The following GLDC variants were observed in gnomAD, a reference collection of about 807,000 sequenced individuals.
GLDC encodes glycine decarboxylase, also known as glycine dehydrogenase (decarboxylating), mitochondrial.
A neutral mutation model predicts 121.3 loss-of-function variants in GLDC; 104 were observed. The ratio of observed to expected loss-of-function variants is 0.86; its 90% CI spans 0.73 to 1.01. The LOEUF is 1.01. GLDC is among the 50% of genes least tolerant of loss of function. GLDC has a pLI of 0.00. For missense variants in GLDC, 1,429 were observed against 1,306.6 expected, an observed-to-expected ratio of 1.09 and a Z score of -1.44; for synonymous variants, 546 against 480.6, an observed-to-expected ratio of 1.14 and a Z score of -1.78.
intron 15 of GLDC, among the ~76,000 whole-genome samples, chr9:6,573,777 C>G (rs144578178): frequency 1.3e-5 from 2 of 152,118 alleles, no homozygotes; most frequent in African/African-American, 4.8e-5. Flanking sequence ...CAACCACTGT[C>G]GAAATGACCC....
intron 21 of GLDC, among the ~76,000 whole-genome samples, chr9:6,546,685 G>T (rs1328716994): frequency 6.6e-6 from 1 of 151,922 alleles, no homozygotes; most frequent in Non-Finnish European, 1.5e-5. Flanking sequence ...ATGGGGGCCA[G>T]ACGCAGTGGC....
intron 21 of GLDC, among the ~76,000 whole-genome samples, chr9:6,546,371 T>C (rs1817389437): frequency 1.3e-5 from 2 of 151,246 alleles, no homozygotes; most frequent in Admixed American, 6.6e-5. Flanking sequence ...TTTTCTTTTT[T>C]TTTTTTTTTG....
chr9:6,597,020 C>T (rs79643203), intron 8 of GLDC, among the ~76,000 whole-genome samples: 8,890 of 152,264 alleles, frequency 0.058, 589 homozygotes, highest in African/African-American at 0.16. Flanking sequence ...CATGTCCAAA[C>T]AATGGGATAT....
At chr9:6,607,310 C>T (rs980647920) in intron 4 of GLDC, among the ~76,000 whole-genome samples, 4 of 152,104 alleles carry the variant, frequency 2.6e-5, no homozygotes, top group South Asian at 2.1e-4. Flanking sequence ...TGGACAGGTG[C>T]GGTGGCTCAC....
intron 2 of GLDC, among the ~76,000 whole-genome samples, chr9:6,640,940 C>T (rs1306351051): frequency 2.0e-5 from 3 of 152,184 alleles, no homozygotes; most frequent in East Asian, 3.8e-4. Flanking sequence ...TTGCCAGTGA[C>T]ACATATCCTT....
chr9:6,619,202 C>T (rs965790602), intron 3 of GLDC, among the ~76,000 whole-genome samples: 1 of 134,766 alleles, frequency 7.4e-6, no homozygotes, highest in African/African-American at 2.8e-5. Flanking sequence ...ACTTATCTAA[C>T]TGTTGAGGTA....
chr9:6,643,353 A>G (rs865880855), intron 2 of GLDC, among the ~76,000 whole-genome samples: 1 of 151,444 alleles, frequency 6.6e-6, no homozygotes, highest in Non-Finnish European at 1.5e-5. Flanking sequence ...TGAGCAGCCA[A>G]CCTGAAGCAG....
chr9:6,569,723 C>T (rs1281716122), intron 15 of GLDC, among the ~76,000 whole-genome samples: 3 of 151,938 alleles, frequency 2.0e-5, no homozygotes, highest in African/African-American at 4.8e-5. Flanking sequence ...TGCCTGTAAT[C>T]ACAGCACGTT....
chr9:6,603,341 C>T (rs1254057347), intron 7 of GLDC, among the ~76,000 whole-genome samples: 3 of 151,964 alleles, frequency 2.0e-5, no homozygotes, highest in Non-Finnish European at 4.4e-5. Context: ...AGAGGCCAGG[C>T]ATGGTGGCTT....
At chr9:6,612,577 C>G (rs529763304) in intron 3 of GLDC, among the ~76,000 whole-genome samples, 4 of 151,742 alleles carry the variant, frequency 2.6e-5, no homozygotes, top group East Asian at 3.9e-4. Flanking sequence ...ACAAAAAAAT[C>G]AGGCCAGGCG....
intron 19 of GLDC, 70 bp downstream of exon 19, chr9:6,554,599 G>C: frequency 4.9e-6 from 5 of 1,016,990 alleles, no homozygotes; most frequent in South Asian, 1.3e-5. Flanking sequence ...GATGGGATGA[G>C]TAGTCTATTT....
chr9:6,554,188 G>A (rs1291618528), intron 19 of GLDC, among the ~76,000 whole-genome samples: 1 of 151,988 alleles, frequency 6.6e-6, no homozygotes, highest in East Asian at 1.9e-4. Flanking sequence ...GTCCTACTCT[G>A]GCTTCATCCA....
chr9:6,554,312 A>G (rs1028522003), intron 19 of GLDC, among the ~76,000 whole-genome samples: 4 of 152,194 alleles, frequency 2.6e-5, no homozygotes, highest in Non-Finnish European at 5.9e-5. Flanking sequence ...AAAGAAAAAA[A>G]AAATGCTAGG....
At chr9:6,561,102 A>G (rs2129743761) in intron 16 of GLDC, among the ~76,000 whole-genome samples, 1 of 152,290 alleles carries the variant, frequency 6.6e-6, no homozygotes, top group South Asian at 2.1e-4. Context: ...AGTGAAACCA[A>G]TTTCTGACAC....
Position 6,561,933 on chromosome 9 carries a change from G to C in GLDC, c.1927-3249C>G, listed in dbSNP as rs117380324. Among the ~76,000 whole-genome samples, 272 of 152,292 alleles carry C rather than the reference G, an allele frequency of 1.8e-3. 1 individual carries two copies. The highest frequency in any genetic ancestry group is 3.4e-3 in the Middle Eastern group (1 of 294). ...AAAGGCCACTACTTTGTCTCAGGCA[G>C]TTGGGAAGAAAAAAATATTCCCATA... On this transcript the variant is annotated intron_variant, in intron 16 of 24. Coordinates refer to ENST00000321612, the MANE Select transcript of GLDC (RefSeq NM_000170.3).
At chr9:6,588,585 T>C in intron 13 of GLDC, 33 bp downstream of exon 13, 2 of 1,548,612 alleles carry the variant, frequency 1.3e-6, no homozygotes, top group African/African-American at 1.4e-5. Flanking sequence ...TTGGGGTAGC[T>C]TGGAAATGAG....
At position 6,595,045 on chromosome 9, in the gene GLDC, C is replaced by T. The variant is rs780018765; in HGVS notation, c.1230G>A (p.Arg410=). ...ACAAAATCAAAGTGGCATTATGTAC[C>T]CTCCTAGCAATATGCTCCAGCCCAT... ...GSHGLEHIAR[R]VHNATLILSE... The change falls in exon 9 of 25, where the codon AGG becomes AGA. Residue 410 remains arginine (R), a synonymous_variant. Transcript: ENST00000321612. 1 of 1,611,152 alleles carries T rather than the reference C, an allele frequency of 6.2e-7. No homozygotes were observed. Among genetic ancestry groups the T allele is most frequent in the South Asian group, 1.1e-5 (1 of 91,016 alleles).
intron 16 of GLDC, among the ~76,000 whole-genome samples, chr9:6,563,915 G>A (rs767062202): frequency 6.6e-6 from 1 of 151,748 alleles, no homozygotes; most frequent in African/African-American, 2.4e-5. Context: ...AGGCTTCCTT[G>A]AGCCCAGGAG....
At chr9:6,608,954 G>T (rs540418803) in intron 4 of GLDC, among the ~76,000 whole-genome samples, 2 of 152,090 alleles carry the variant, frequency 1.3e-5, no homozygotes. Flanking sequence ...AATCAGAAAG[G>T]CCTATGGCTG....
Sources: allele counts gnomAD v4.1 joint callset (sites outside exome capture counted in the v4.1 genomes callset), GRCh38; gene constraint gnomAD v4.1.1; transcripts MANE v1.5; gene names NCBI Gene and HGNC (gene_info 2026-07-23, HGNC 2026-07-21).